LHFPL2: variants seen among roughly 807,000 people sequenced by gnomAD.
The protein encoded by LHFPL2 is LHFPL tetraspan subfamily member 2 protein.
LHFPL2 carries 7 observed loss-of-function variants against 17.5 expected under a neutral mutation model. The observed-to-expected ratio is 0.40, with a 90% CI of 0.23 to 0.75. The LOEUF (loss-of-function observed/expected upper bound fraction) is 0.75, where lower values mean the gene tolerates loss of function less well. LHFPL2 is among the 30% of genes least tolerant of loss of function. The pLI, the probability that LHFPL2 is intolerant of heterozygous loss-of-function variation, is 0.37. For synonymous variants in LHFPL2, 134 were observed against 116.2 expected, an observed-to-expected ratio of 1.15 and a Z score of -0.99; for missense variants, 241 against 294.8, an observed-to-expected ratio of 0.82 and a Z score of 1.34.
intron 4 of LHFPL2, among the ~76,000 whole-genome samples, chr5:78,505,092 T>C (rs1387552520): frequency 6.6e-6 from 1 of 152,064 alleles, no homozygotes; most frequent in African/African-American, 2.4e-5. Flanking sequence ...TCACTGGGGA[T>C]TCCATGGACT....
Position 78,622,677 on chromosome 5 carries a change from A to G in LHFPL2, c.-245+9587T>C, listed in dbSNP as rs546307704. On this transcript the variant is annotated intron_variant, in intron 2 of 4. Coordinates refer to ENST00000380345, the MANE Select transcript of LHFPL2 (RefSeq NM_005779.3). Reference sequence around the variant, plus strand: ...CCAAGGAACCTGACAAGTCTCTCTAATGTTTCTTAACTGGTAAAATATTTA... The same window carrying G: ...CCAAGGAACCTGACAAGTCTCTCTAGTGTTTCTTAACTGGTAAAATATTTA... Among the ~76,000 whole-genome samples the G allele has an allele frequency of 5.3e-5, 8 of 152,306 alleles. No homozygotes were observed. The South Asian group carries it at 1.7e-3, about 32-fold the overall frequency.
At chr5:78,623,487 CT>C (rs1744931006) in intron 2 of LHFPL2, among the ~76,000 whole-genome samples, 1 of 152,188 alleles carries the variant, frequency 6.6e-6, no homozygotes, top group Non-Finnish European at 1.5e-5. Flanking sequence ...AGAGAGAGAA[CT>C]ATTGCATTGA....
intron 3 of LHFPL2, among the ~76,000 whole-genome samples, chr5:78,561,390 C>T (rs1356710171): frequency 6.6e-6 from 1 of 152,192 alleles, no homozygotes; most frequent in Non-Finnish European, 1.5e-5. Context: ...GCAGGTATAG[C>T]GCTTTCACTT....
intron 2 of LHFPL2, among the ~76,000 whole-genome samples, chr5:78,616,493 T>C (rs1002803678): frequency 6.6e-6 from 1 of 152,108 alleles, no homozygotes; most frequent in Admixed American, 6.5e-5. Context: ...TACATAAAAG[T>C]CACGAAAGAG....
chr5:78,551,233 T>G (rs1450595269), intron 3 of LHFPL2, among the ~76,000 whole-genome samples: 1 of 152,182 alleles, frequency 6.6e-6, no homozygotes, highest in African/African-American at 2.4e-5. Context: ...AAAGAGGAAG[T>G]AGAAATTTCT....
intron 3 of LHFPL2, among the ~76,000 whole-genome samples, chr5:78,547,854 T>G (rs539855182): frequency 1.3e-5 from 2 of 152,184 alleles, no homozygotes; most frequent in African/African-American, 4.8e-5. Context: ...TTCAGGGTGG[T>G]CTGAGGGAGA....
intron 4 of LHFPL2, among the ~76,000 whole-genome samples, chr5:78,499,649 G>A (rs902670803): frequency 6.6e-6 from 1 of 152,236 alleles, no homozygotes; most frequent in Non-Finnish European, 1.5e-5. Flanking sequence ...GGATTAGAGA[G>A]CAGGTGATAA....
chr5:78,527,085 T>G (rs1049232780), intron 3 of LHFPL2, among the ~76,000 whole-genome samples: 1 of 152,204 alleles, frequency 6.6e-6, no homozygotes, highest in African/African-American at 2.4e-5. Flanking sequence ...CAGAATTAAT[T>G]TGGGAAATAT....
intron 2 of LHFPL2, among the ~76,000 whole-genome samples, chr5:78,581,021 C>A (rs1360706059): frequency 6.6e-6 from 1 of 152,070 alleles, no homozygotes; most frequent in Non-Finnish European, 1.5e-5. Flanking sequence ...CTTTTATTTC[C>A]TTGAGCAGTG....
intron 2 of LHFPL2, chr5:78,626,004 TAG>T (rs1745020559): frequency 6.6e-6 from 1 of 152,238 alleles, no homozygotes; most frequent in African/African-American, 2.4e-5. Context: ...TATAGACATA[TAG>T]GTCGGGTTGC....
At position 78,599,935 on chromosome 5, in the gene LHFPL2, A is replaced by C. The variant is rs548752895; in HGVS notation, c.-245+32329T>G. On this transcript the variant is annotated intron_variant, in intron 2 of 4. Coordinates refer to ENST00000380345, the MANE Select transcript of LHFPL2 (RefSeq NM_005779.3). The stretch of plus-strand genomic sequence containing the variant: ...ATTTTTGAAGTGACGATTCAGAGTC[A>C]AATCTCTGACTACAAGAAAATTTTA... Among the ~76,000 whole-genome samples the C allele has an allele frequency of 1.2e-4, 18 of 152,286 alleles. No homozygotes were observed. In the South Asian group the frequency reaches 3.7e-3, roughly 32 times the overall value.
chr5:78,529,504 C>A (rs914694874), intron 3 of LHFPL2, among the ~76,000 whole-genome samples: 1 of 152,172 alleles, frequency 6.6e-6, no homozygotes, highest in African/African-American at 2.4e-5. Flanking sequence ...CTAGCAGTAA[C>A]AGGGGGTTGG....
At chr5:78,497,956 G>C (rs927561030) in intron 4 of LHFPL2, among the ~76,000 whole-genome samples, 2 of 152,238 alleles carry the variant, frequency 1.3e-5, no homozygotes, top group Admixed American at 6.5e-5. Flanking sequence ...CCTGGCTGCA[G>C]CAAGGACAGC....
chr5:78,644,072 T>G (rs1745774471), intron 1 of LHFPL2, among the ~76,000 whole-genome samples: 1 of 151,968 alleles, frequency 6.6e-6, no homozygotes, highest in South Asian at 2.1e-4. Context: ...AAAAGGAAAA[T>G]AAAATAAAAT....
chr5:78,616,235 T>C (rs1013909933), intron 2 of LHFPL2, among the ~76,000 whole-genome samples: 2 of 152,174 alleles, frequency 1.3e-5, no homozygotes, highest in Non-Finnish European at 1.5e-5. Context: ...CACGCCATTC[T>C]TCTGCCTCAA....
intron 3 of LHFPL2, among the ~76,000 whole-genome samples, chr5:78,557,005 A>C (rs1157833493): frequency 6.6e-6 from 1 of 152,018 alleles, no homozygotes; most frequent in Non-Finnish European, 1.5e-5. Flanking sequence ...CATGTGCACA[A>C]CATGCAGGTT....
At chr5:78,568,483 A>C (rs1756915789) in intron 2 of LHFPL2, among the ~76,000 whole-genome samples, 1 of 152,164 alleles carries the variant, frequency 6.6e-6, no homozygotes, top group Admixed American at 6.5e-5. Flanking sequence ...ATTGCCAAAA[A>C]CAGGAAGCAG....
chr5:78,593,926 C>G (rs1384505118), intron 2 of LHFPL2, among the ~76,000 whole-genome samples: 1 of 152,220 alleles, frequency 6.6e-6, no homozygotes, highest in Non-Finnish European at 1.5e-5. Context: ...GAGGATATCT[C>G]ATTCCTATTC....
chr5:78,514,129 T>C (rs1396164468), intron 3 of LHFPL2, among the ~76,000 whole-genome samples: 2 of 152,204 alleles, frequency 1.3e-5, no homozygotes, highest in Non-Finnish European at 2.9e-5. Context: ...CTGGCATCCG[T>C]TGCTATTAAC....
Sources: allele counts gnomAD v4.1 joint callset (sites outside exome capture counted in the v4.1 genomes callset), GRCh38; gene constraint gnomAD v4.1.1; transcripts MANE v1.5; gene names NCBI Gene and HGNC (gene_info 2026-07-23, HGNC 2026-07-21).